Variants in CFAP54 observed in about 807,000 individuals in gnomAD.
The protein encoded by CFAP54 is cilia and flagella associated protein 54, also known as cilia- and flagella-associated protein 54.
In CFAP54, 290 loss-of-function variants were observed where a neutral mutation model predicts 370.4. The observed-to-expected ratio is 0.78, with a 90% CI of 0.71 to 0.86. CFAP54 has a LOEUF of 0.86. Ranked by LOEUF, CFAP54 falls within the 40% of genes least tolerant of loss-of-function variation. CFAP54 has a pLI of 0.00. For synonymous variants in CFAP54, 1,206 were observed against 1,236.5 expected (o/e 0.98, Z 0.52); for missense variants, 3,399 against 3,528.7 (o/e 0.96, Z 0.93).
chr12:96,872,343 C>T (rs1481994548), intron 67 of CFAP54, among the ~76,000 whole-genome samples: 2 of 152,098 alleles, frequency 1.3e-5, no homozygotes, highest in South Asian at 2.1e-4. Context: ...ACTAGACTTA[C>T]ATTTAACCAT....
chr12:96,600,687 T>C (rs1213285559), intron 26 of CFAP54, among the ~76,000 whole-genome samples: 1 of 152,064 alleles, frequency 6.6e-6, no homozygotes, highest in Non-Finnish European at 1.5e-5. Flanking sequence ...TAGTTGTCCT[T>C]TGGATTCCTA....
intron 47 of CFAP54, 40 bp from the exon 48 acceptor site, chr12:96,708,568 T>G (rs575361102): frequency 1.3e-6 from 2 of 1,507,726 alleles, no homozygotes; most frequent in African/African-American, 2.8e-5. Context: ...TGAAAAAGTA[T>G]TTTTCTAATT....
At chr12:96,761,041 G>A (rs1454544484) in intron 58 of CFAP54, among the ~76,000 whole-genome samples, 1 of 152,192 alleles carries the variant, frequency 6.6e-6, no homozygotes, top group Non-Finnish European at 1.5e-5. Context: ...TGATCTGTCA[G>A]ATTGTTTTCA....
chr12:96,535,629 T>C, intron 12 of CFAP54, 29 bp downstream of exon 12: 1 of 1,466,734 alleles, frequency 6.8e-7, no homozygotes, highest in Non-Finnish European at 9.2e-7. Flanking sequence ...ATAATTTTTA[T>C]TAGTGTGGAA....
intron 42 of CFAP54, 130 bp from the exon 43 acceptor site, chr12:96,688,786 T>G (rs928285321): frequency 4.1e-6 from 2 of 493,718 alleles, no homozygotes; most frequent in Admixed American, 7.8e-5. Context: ...TCCTTCTATT[T>G]TCTTATATAT....
chr12:96,619,263 C>G (rs1029687796), intron 26 of CFAP54, among the ~76,000 whole-genome samples: 5 of 152,188 alleles, frequency 3.3e-5, no homozygotes, highest in Non-Finnish European at 5.9e-5. Context: ...AATTGCCATT[C>G]TAGAAGCTTC....
intron 42 of CFAP54, 54 bp from the exon 43 acceptor site, chr12:96,688,860 CAA>C: frequency 1.0e-6 from 1 of 984,066 alleles, no homozygotes; most frequent in African/African-American, 1.7e-5. Context: ...ACATTTATAT[CAA>C]AATGTTTTTG....
In CFAP54 at chr12:96,664,808, T is replaced by G. The variant is rs1375677388; in HGVS notation, c.5563+876T>G. 7.4e-3 allele frequency among the ~76,000 whole-genome samples: 307 copies of G among 41,768 alleles called. 15 individuals carry two copies. The highest frequency in any genetic ancestry group is 0.027 in the African/African-American group (233 of 8,520). The allele number at this position is 41,768 out of a possible 152,430, so 27.4% of individuals were successfully genotyped here. A position where few individuals can be genotyped will look rare whatever the true frequency, so the allele number is the denominator to read the frequency against. ...ATATATATATATATATATATATATA[T>G]ATATAGATATATATATGTATATCCC... On this transcript the variant is annotated intron_variant, in intron 39 of 67. Transcript: ENST00000524981.
At chr12:96,518,409 G>C (rs758690467) in intron 5 of CFAP54, among the ~76,000 whole-genome samples, 1 of 152,200 alleles carries the variant, frequency 6.6e-6, no homozygotes, top group African/African-American at 2.4e-5. Flanking sequence ...AAGACAGGCC[G>C]GGTGCAGTGG....
intron 22 of CFAP54, among the ~76,000 whole-genome samples, chr12:96,583,678 A>G (rs1476242645): frequency 6.6e-6 from 1 of 152,202 alleles, no homozygotes. Flanking sequence ...AGGGTGTCTC[A>G]GGGAGGTTAA....
chr12:96,675,520 G>A (rs1957195809), intron 39 of CFAP54, among the ~76,000 whole-genome samples: 1 of 152,224 alleles, frequency 6.6e-6, no homozygotes, highest in South Asian at 2.1e-4. Context: ...CATTGTGGAA[G>A]TCAGTGTGGC....
Position 96,784,867 on chromosome 12 carries a change from T to C in CFAP54, c.8432T>C (p.Ile2811Thr), listed in dbSNP as rs758647233. ...LLRYYIHLQR[I>T]NNLSKLLASA... ...CGCTACTATATTCACCTTCAGAGGA[T>C]TAATAATCTGAGCAAACTGCTAGGT... is the stretch of plus-strand genomic sequence containing the variant. The change falls in exon 61 of 68, where the codon ATT becomes ACT. Residue 2811 changes from isoleucine (I) to threonine (T), a missense_variant. By Grantham distance (89) the Ile-to-Thr change is moderately conservative. Coordinates refer to ENST00000524981, the MANE Select transcript of CFAP54 (RefSeq NM_001306084.2). 1.6e-5 allele frequency: 24 copies of C among 1,523,946 alleles called. No homozygotes were observed. Among genetic ancestry groups the C allele is most frequent in the African/African-American group, 2.8e-5 (2 of 72,514 alleles). The allele number at this position is 1,523,946 out of a possible 1,614,324, so 94.4% of individuals were successfully genotyped here. A position where few individuals can be genotyped will look rare whatever the true frequency, so the allele number is the denominator to read the frequency against.
chr12:96,736,496 G>A (rs892923200), intron 50 of CFAP54, among the ~76,000 whole-genome samples: 1 of 152,298 alleles, frequency 6.6e-6, no homozygotes, highest in Middle Eastern at 3.4e-3. Context: ...ACTAAGAAAA[G>A]GGGGTAGGCA....
At chr12:96,832,156 C>G (rs991626749) in intron 66 of CFAP54, among the ~76,000 whole-genome samples, 6 of 152,080 alleles carry the variant, frequency 3.9e-5, no homozygotes, top group African/African-American at 1.4e-4. Context: ...TGAGCTCTCT[C>G]TCTTTGCCTG....
At chr12:96,678,338 C>T (rs1957233936) in intron 39 of CFAP54, among the ~76,000 whole-genome samples, 1 of 152,186 alleles carries the variant, frequency 6.6e-6, no homozygotes. Context: ...GCAACCTCCA[C>T]CTCCCAGGTT....
At chr12:96,500,029 T>C (rs138522836) in intron 1 of CFAP54, among the ~76,000 whole-genome samples, 1 of 152,174 alleles carries the variant, frequency 6.6e-6, no homozygotes, top group Non-Finnish European at 1.5e-5. Flanking sequence ...TATTCATAAT[T>C]GCCAAAACTT....
At chr12:96,849,869 T>G (rs937061292) in intron 66 of CFAP54, among the ~76,000 whole-genome samples, 2 of 152,178 alleles carry the variant, frequency 1.3e-5, no homozygotes, top group African/African-American at 4.8e-5. Flanking sequence ...CTAGTTGAAC[T>G]AACTAATTCA....
chr12:96,764,185 C>T lies in CFAP54; in HGVS notation c.8075C>T (p.Thr2692Ile), dbSNP rs746621652. ...PLRRSSSVKETSANKFEMYSS... is the reference protein window; with the variant it reads ...PLRRSSSVKEISANKFEMYSS... ...AGAAGAAGTAGTTCTGTTAAAGAAACATCAGCAAATAAATTTGAAATGTAC... is the reference window on the plus strand; with the variant it reads ...AGAAGAAGTAGTTCTGTTAAAGAAATATCAGCAAATAAATTTGAAATGTAC... The change falls in exon 59 of 68, where the codon ACA becomes ATA. Residue 2692 changes from threonine (T) to isoleucine (I), a missense_variant. Coordinates refer to ENST00000524981, the MANE Select transcript of CFAP54 (RefSeq NM_001306084.2). 9 of 1,612,972 alleles carry T rather than the reference C, an allele frequency of 5.6e-6. No homozygotes were observed. Among genetic ancestry groups the T allele is most frequent in the Non-Finnish European group, 7.6e-6 (9 of 1,179,494 alleles).
At chr12:96,534,567 G>T (rs140448718) in intron 11 of CFAP54, among the ~76,000 whole-genome samples, 30 of 152,326 alleles carry the variant, frequency 2.0e-4, no homozygotes, top group African/African-American at 7.0e-4. Flanking sequence ...CAGTGAATCA[G>T]AGGACAAAGT....
Sources: gnomAD v4.1 joint callset for allele counts (sites outside exome capture counted in the v4.1 genomes callset) on GRCh38, gnomAD v4.1.1 for gene constraint, MANE v1.5 for transcripts, NCBI Gene and HGNC (gene_info 2026-07-23, HGNC 2026-07-21) for gene names.